EVI5: variants seen among roughly 807,000 people sequenced by gnomAD.
EVI5 encodes the protein ecotropic viral integration site 5 protein homolog.
Under a neutral mutation model 112.0 loss-of-function variants are expected in EVI5, and 73 were observed. The observed-to-expected ratio is 0.65, with a 90% CI of 0.54 to 0.79. The LOEUF (loss-of-function observed/expected upper bound fraction) is 0.79, where lower values mean the gene tolerates loss of function less well. EVI5 is among the 30% of genes least tolerant of loss of function. The pLI is 0.00. For missense variants in EVI5, 900 were observed against 968.8 expected, an observed-to-expected ratio of 0.93 and a Z score of 0.94; for synonymous variants, 305 against 319.9, an observed-to-expected ratio of 0.95 and a Z score of 0.50.
chr1:92,605,221 C>T (rs573187221), intron 18 of EVI5, 86 bp downstream of exon 18: 52 of 899,264 alleles, frequency 5.8e-5, no homozygotes, highest in Admixed American at 1.2e-4. Context: ...ATCACAGTCA[C>T]GAGGATAAAG....
intron 10 of EVI5, among the ~76,000 whole-genome samples, chr1:92,670,811 GCTCCCAA>G (rs1161158806): frequency 6.6e-6 from 1 of 151,962 alleles, no homozygotes; most frequent in African/African-American, 2.4e-5. Context: ...AATTTCACAA[GCTCCCAA>G]AACCACATCC....
At chr1:92,551,040 C>CTTTTTCTTT (rs1666838008) in intron 19 of EVI5, among the ~76,000 whole-genome samples, 1 of 80,702 alleles carries the variant, frequency 1.2e-5, no homozygotes, top group African/African-American at 5.1e-5. Context: ...TTCTTTCTTT[C>CTTTTTCTTT]TTTTTTTTTT....
Position 92,563,727 on chromosome 1 carries a change from CCTT to C in EVI5, c.2078_2080del (p.Glu693del), listed in dbSNP as rs780867180. On this transcript the variant is annotated inframe_deletion, in exon 19 of 20. Transcript: ENST00000684568. ...CTTGTTAAGCTGTCCTTGAAGCTTT[CCTT>C]CTTCTTTCTGTTTTGTGACAAAACA... is the stretch of plus-strand genomic sequence containing the variant. The C allele has an allele frequency of 6.2e-6, 10 of 1,601,608 alleles. No homozygotes were observed. In the African/African-American group the frequency reaches 6.7e-5, roughly 11 times the overall value.
intron 16 of EVI5, among the ~76,000 whole-genome samples, chr1:92,617,882 A>G (rs1379197942): frequency 6.6e-6 from 1 of 152,188 alleles, no homozygotes; most frequent in African/African-American, 2.4e-5. Flanking sequence ...GCACTCACGG[A>G]ATACCTTAAA....
intron 1 of EVI5, among the ~76,000 whole-genome samples, chr1:92,738,845 C>T (rs1268447772): frequency 4.6e-5 from 7 of 152,126 alleles, no homozygotes; most frequent in Non-Finnish European, 7.4e-5. Context: ...TTCCACCCTG[C>T]CACCTCTGAA....
chr1:92,626,835 T>C (rs1655776635), intron 14 of EVI5, among the ~76,000 whole-genome samples: 1 of 152,160 alleles, frequency 6.6e-6, no homozygotes, highest in Admixed American at 6.6e-5. Flanking sequence ...TCATAGAAAA[T>C]AGTAGTCCAA....
intron 18 of EVI5, among the ~76,000 whole-genome samples, chr1:92,569,652 G>A (rs902744452): frequency 7.9e-5 from 12 of 151,846 alleles, no homozygotes; most frequent in African/African-American, 2.7e-4. Flanking sequence ...TCAAGAGATC[G>A]AGACCATCCT....
At chr1:92,635,558 T>G (rs1658618510) in intron 14 of EVI5, among the ~76,000 whole-genome samples, 1 of 152,138 alleles carries the variant, frequency 6.6e-6, no homozygotes, top group African/African-American at 2.4e-5. Context: ...AGTGACCCGA[T>G]TTTCCAGGTG....
At chr1:92,729,381 G>C (rs768719652) in intron 2 of EVI5, among the ~76,000 whole-genome samples, 2 of 152,140 alleles carry the variant, frequency 1.3e-5, no homozygotes, top group Non-Finnish European at 2.9e-5. Context: ...CACACATAAG[G>C]GGGGACTACT....
intron 1 of EVI5, among the ~76,000 whole-genome samples, chr1:92,741,870 T>C (rs1005622070): frequency 6.6e-6 from 1 of 152,080 alleles, no homozygotes; most frequent in African/African-American, 2.4e-5. Flanking sequence ...CTATAAAACT[T>C]AGAAGAAAAC....
intron 19 of EVI5, among the ~76,000 whole-genome samples, chr1:92,517,508 A>G: frequency 6.6e-6 from 1 of 152,200 alleles, no homozygotes; most frequent in East Asian, 1.9e-4. Context: ...AAGTTGATTT[A>G]GCTGAAATGG....
chr1:92,683,346 C>T (rs1410395705), intron 9 of EVI5, among the ~76,000 whole-genome samples: 1 of 152,120 alleles, frequency 6.6e-6, no homozygotes, highest in African/African-American at 2.4e-5. Flanking sequence ...GAAAAACTAA[C>T]AAACAGAAAG....
At position 92,662,843 on chromosome 1, in the gene EVI5, T is replaced by C; in HGVS notation, c.1268A>G (p.Glu423Gly). Residue 423 changes from glutamate to glycine, a missense_variant, in exon 13 of 20, where the codon GAG (glutamate) becomes GGG (glycine). Transcript: ENST00000684568. Reference sequence around the variant, plus strand: ...TTTTATGAGGTAGTTTTCCTCAGCCTCCTGGGCTCTTGTCACTTGTCCCTT... The same window carrying C: ...TTTTATGAGGTAGTTTTCCTCAGCCCCCTGGGCTCTTGTCACTTGTCCCTT... ...LIQGQVTRAQEAEENYLIKRE... is the reference protein window; with the variant it reads ...LIQGQVTRAQGAEENYLIKRE... 7.8e-7 allele frequency: 1 copy of C among 1,288,368 alleles called. No homozygotes were observed. The highest frequency in any genetic ancestry group is 1.5e-5 in the African/African-American group (1 of 65,838). The allele number at this position is 1,288,368 out of a possible 1,614,324, so 79.8% of individuals were successfully genotyped here. A position where few individuals can be genotyped will look rare whatever the true frequency, so the allele number is the denominator to read the frequency against.
intron 2 of EVI5, among the ~76,000 whole-genome samples, chr1:92,723,602 G>A (rs1011225048): frequency 2.6e-5 from 4 of 151,968 alleles, no homozygotes; most frequent in Non-Finnish European, 5.9e-5. Flanking sequence ...GAGAATATAC[G>A]TCACCTCAGG....
chr1:92,590,800 A>G (rs550465947), intron 18 of EVI5, among the ~76,000 whole-genome samples: 153 of 152,296 alleles, frequency 1.0e-3, no homozygotes, highest in African/African-American at 3.5e-3. Context: ...CAACTCCAAG[A>G]CACGTAATTG....
At chr1:92,730,723 A>G (rs1676330047) in intron 2 of EVI5, among the ~76,000 whole-genome samples, 2 of 151,634 alleles carry the variant, frequency 1.3e-5, no homozygotes, top group Admixed American at 1.3e-4. Flanking sequence ...TCAATCTGAC[A>G]AAGGCCATAT....
In EVI5 at chr1:92,512,596, A is replaced by G. The variant is rs2101618493; in HGVS notation, c.*1060T>C. 6.6e-6 allele frequency: 1 copy of G among 152,342 alleles called. No individual in the cohort carries two copies. Among genetic ancestry groups the G allele is most frequent in the Non-Finnish European group, 1.5e-5 (1 of 68,022 alleles). The allele number at this position is 152,342 out of a possible 1,614,324, so 9.4% of individuals were successfully genotyped here. The stretch of plus-strand genomic sequence containing the variant: ...AAAATGATGTTCAATGTTAGGTGGT[A>G]CAGATTTATAAATATGTACAAACAA... On this transcript the variant is annotated 3_prime_UTR_variant, in exon 20 of 20. Transcript: ENST00000684568.
intron 19 of EVI5, among the ~76,000 whole-genome samples, chr1:92,556,622 T>C (rs1232191069): frequency 6.6e-6 from 1 of 152,178 alleles, no homozygotes; most frequent in Non-Finnish European, 1.5e-5. Context: ...TGTCATCTGA[T>C]TGTTAAAGTT....
At chr1:92,745,232 C>T (rs545258085) in intron 1 of EVI5, among the ~76,000 whole-genome samples, 11 of 151,986 alleles carry the variant, frequency 7.2e-5, no homozygotes, top group African/African-American at 2.7e-4. Flanking sequence ...GGACCACCCA[C>T]CCAGCCTTTT....
Sources: gnomAD v4.1 joint callset for allele counts (sites outside exome capture counted in the v4.1 genomes callset) on GRCh38, gnomAD v4.1.1 for gene constraint, MANE v1.5 for transcripts, NCBI Gene and HGNC (gene_info 2026-07-23, HGNC 2026-07-21) for gene names.